Variants in GIGYF2 observed in about 807,000 individuals in gnomAD.
GIGYF2 encodes GRB10-interacting GYF protein 2.
In GIGYF2, 25 loss-of-function variants were observed where a neutral mutation model predicts 208.1. The observed-to-expected ratio is 0.12, with a 90% confidence interval of 0.09 to 0.17. GIGYF2 has a LOEUF of 0.17. Ranked by LOEUF, GIGYF2 falls within the 10% of genes least tolerant of loss-of-function variation. The pLI, the probability that GIGYF2 is intolerant of heterozygous loss-of-function variation, is 1.00. For synonymous variants in GIGYF2, 534 were observed against 543.8 expected, an observed-to-expected ratio of 0.98 and a Z score of 0.25; for missense variants, 1,302 against 1,579.4, an observed-to-expected ratio of 0.82 and a Z score of 2.98.
At chr2:232,777,955 A>T (rs1478920649) in intron 8 of GIGYF2, among the ~76,000 whole-genome samples, 1 of 151,704 alleles carries the variant, frequency 6.6e-6, no homozygotes, top group African/African-American at 2.4e-5. Context: ...TTTTATTTTC[A>T]TTTTTTTTAG....
intron 18 of GIGYF2, among the ~76,000 whole-genome samples, chr2:232,812,933 C>T (rs1354620392): frequency 6.6e-6 from 1 of 151,580 alleles, no homozygotes; most frequent in African/African-American, 2.4e-5. Context: ...CCCAGGAGTT[C>T]CAGGCTGCAG....
At chr2:232,704,554 G>T (rs191597978) in intron 2 of GIGYF2, among the ~76,000 whole-genome samples, 1 of 151,896 alleles carries the variant, frequency 6.6e-6, no homozygotes, top group Non-Finnish European at 1.5e-5. Context: ...ACAGGTATTC[G>T]CCACCACACC....
chr2:232,849,651 C>T (rs1690231812), intron 27 of GIGYF2, among the ~76,000 whole-genome samples: 1 of 152,172 alleles, frequency 6.6e-6, no homozygotes, highest in Non-Finnish European at 1.5e-5. Context: ...TCCACTTCTC[C>T]CCCACTACTA....
intron 2 of GIGYF2, among the ~76,000 whole-genome samples, chr2:232,707,179 A>G (rs1392290498): frequency 6.6e-6 from 1 of 152,198 alleles, no homozygotes; most frequent in Non-Finnish European, 1.5e-5. Flanking sequence ...AGTAAAAGCA[A>G]TACGTTTTCT....
chr2:232,781,383 A>C (rs1342825089), intron 8 of GIGYF2, among the ~76,000 whole-genome samples: 1 of 137,086 alleles, frequency 7.3e-6, no homozygotes, highest in Non-Finnish European at 1.5e-5. Flanking sequence ...AATTTACACA[A>C]GTAAATCTGT....
At chr2:232,778,817 G>A (rs1699616191) in intron 8 of GIGYF2, among the ~76,000 whole-genome samples, 1 of 152,080 alleles carries the variant, frequency 6.6e-6, no homozygotes. Flanking sequence ...ATGAACAAAA[G>A]TTGTCTAGTT....
At chr2:232,779,474 A>G (rs1048800521) in intron 8 of GIGYF2, among the ~76,000 whole-genome samples, 2 of 152,212 alleles carry the variant, frequency 1.3e-5, no homozygotes, top group Non-Finnish European at 2.9e-5. Flanking sequence ...CTATGTAAGT[A>G]GGTAATCTCA....
chr2:232,840,471 CAGAG>C (rs1190787647), intron 23 of GIGYF2, among the ~76,000 whole-genome samples: 1 of 152,156 alleles, frequency 6.6e-6, no homozygotes, highest in Non-Finnish European at 1.5e-5. Flanking sequence ...CAGCTTTTGA[CAGAG>C]AGGAGAAAAT....
chr2:232,847,588 T>G lies in GIGYF2; in HGVS notation c.3684+17T>G. On this transcript the variant is annotated intron_variant, in intron 27 of 28. Transcript: ENST00000373563. The stretch of plus-strand genomic sequence containing the variant: ...CAACAGCAGGTATAAAGTAGTGTGG[T>G]GTATGCGGTACCTCTGAGGATTAAT... 4 of 1,612,072 alleles carry G rather than the reference T, an allele frequency of 2.5e-6. No individual in the cohort carries two copies. Among genetic ancestry groups the G allele is most frequent in the Non-Finnish European group, 3.4e-6 (4 of 1,179,944 alleles).
At chr2:232,842,652 G>A (rs955988745) in intron 23 of GIGYF2, among the ~76,000 whole-genome samples, 8 of 152,182 alleles carry the variant, frequency 5.3e-5, no homozygotes, top group African/African-American at 1.7e-4. Flanking sequence ...GAAGCTGATT[G>A]GAGGTTCTGG....
intron 28 of GIGYF2, among the ~76,000 whole-genome samples, chr2:232,853,665 GA>G (rs1266312272): frequency 6.6e-6 from 1 of 152,160 alleles, no homozygotes; most frequent in Non-Finnish European, 1.5e-5. Flanking sequence ...TTTCTCCCCA[GA>G]CTTTCCTTGT....
chr2:232,856,070 A>G (rs151287640), intron 28 of GIGYF2, among the ~76,000 whole-genome samples: 1,853 of 152,122 alleles, frequency 0.012, 22 homozygotes, highest in Non-Finnish European at 0.019. Flanking sequence ...AGCTGGGACT[A>G]CAGGTGCCCA....
At chr2:232,728,985 C>CT (rs886828215) in intron 2 of GIGYF2, among the ~76,000 whole-genome samples, 4 of 151,588 alleles carry the variant, frequency 2.6e-5, no homozygotes, top group Admixed American at 2.6e-4. Context: ...TTCTCTTTTT[C>CT]TTTTCATTTT....
intron 14 of GIGYF2, among the ~76,000 whole-genome samples, chr2:232,804,382 T>G (rs909794401): frequency 3.2e-5 from 3 of 93,368 alleles, no homozygotes; most frequent in Non-Finnish European, 6.8e-5. Context: ...AGCATCTCAG[T>G]TTTTTTTTTT....
At chr2:232,756,135 G>T in intron 5 of GIGYF2, 88 bp from the exon 6 acceptor site, 1 of 748,282 alleles carries the variant, frequency 1.3e-6, no homozygotes, top group South Asian at 1.7e-5. Context: ...GGAATGTGGG[G>T]AGAAGCAACA....
intron 6 of GIGYF2, chr2:232,759,996 T>A (rs1698684994): frequency 6.1e-6 from 1 of 164,170 alleles, no homozygotes; most frequent in Admixed American, 5.9e-5. Context: ...GTTTGATGGT[T>A]TTAGAATTGA....
At chr2:232,728,647 G>A (rs1697314699) in intron 2 of GIGYF2, among the ~76,000 whole-genome samples, 1 of 152,102 alleles carries the variant, frequency 6.6e-6, no homozygotes, top group African/African-American at 2.4e-5. Context: ...GCAGGGGTGG[G>A]ATCATCTCTC....
intron 20 of GIGYF2, among the ~76,000 whole-genome samples, chr2:232,817,491 C>A (rs1268118046): frequency 1.3e-5 from 2 of 152,126 alleles, no homozygotes; most frequent in Non-Finnish European, 2.9e-5. Context: ...GTCTGTAGAA[C>A]TTCTCCAACT....
intron 20 of GIGYF2, among the ~76,000 whole-genome samples, chr2:232,818,242 G>A (rs1174403633): frequency 6.6e-6 from 1 of 152,110 alleles, no homozygotes; most frequent in Admixed American, 6.5e-5. Context: ...TTCCCTTAAT[G>A]AACCTTTTCT....
Sources: gnomAD v4.1 joint callset for allele counts (sites outside exome capture counted in the v4.1 genomes callset) on GRCh38, gnomAD v4.1.1 for gene constraint, MANE v1.5 for transcripts, NCBI Gene and HGNC (gene_info 2026-07-23, HGNC 2026-07-21) for gene names.